Variants in THSD7B observed in about 807,000 individuals in gnomAD.
The protein encoded by THSD7B is thrombospondin type-1 domain-containing protein 7B.
A neutral mutation model predicts 213.6 loss-of-function variants in THSD7B; 138 were observed. The ratio of observed to expected loss-of-function variants is 0.65; its 90% confidence interval spans 0.56 to 0.74. The LOEUF is 0.74. Among genes scored for constraint, THSD7B ranks in the 30% least tolerant of loss-of-function variants. THSD7B has a pLI of 0.00. For missense variants in THSD7B, 1,931 were observed against 1,991.5 expected (o/e 0.97, Z 0.58); for synonymous variants, 742 against 687.0 (o/e 1.08, Z -1.25).
intron 15 of THSD7B, among the ~76,000 whole-genome samples, chr2:137,558,554 G>T (rs907093976): frequency 6.6e-6 from 1 of 152,114 alleles, no homozygotes; most frequent in Non-Finnish European, 1.5e-5. Context: ...GATATTGATG[G>T]AAAGTATCTC....
At chr2:137,050,898 C>A (rs1261689180) in intron 2 of THSD7B, among the ~76,000 whole-genome samples, 1 of 152,098 alleles carries the variant, frequency 6.6e-6, no homozygotes. Flanking sequence ...TTATCCAATG[C>A]GTAACTCAGT....
chr2:137,070,868 T>TATGTCCCTACAAAGGAC (rs59624342), intron 3 of THSD7B, among the ~76,000 whole-genome samples: 12,615 of 152,032 alleles, frequency 0.083, 751 homozygotes, highest in African/African-American at 0.16. Context: ...CAGTTTCATC[T>TATGTCCCTACAAAGGAC]ATGTCCCTAC....
chr2:137,557,639 A>G lies in THSD7B; in HGVS notation c.3139-5582A>G, dbSNP rs558891596. Among the ~76,000 whole-genome samples, 3 of 152,334 alleles carry G rather than the reference A, an allele frequency of 2.0e-5. No homozygotes were observed. In the South Asian group the frequency reaches 6.2e-4, roughly 32 times the overall value. The stretch of plus-strand genomic sequence containing the variant: ...AAAGATCTAAAATTGACACCCTAAC[A>G]TCACAATTAAAAGAACTAGAAAAGC... On this transcript the variant is annotated intron_variant, in intron 15 of 27. Coordinates refer to ENST00000409968, the MANE Select transcript of THSD7B (RefSeq NM_001316349.2).
At chr2:137,088,251 A>T (rs1286658342) in intron 3 of THSD7B, among the ~76,000 whole-genome samples, 1 of 152,012 alleles carries the variant, frequency 6.6e-6, no homozygotes, top group Non-Finnish European at 1.5e-5. Flanking sequence ...AAAAAATAAA[A>T]AAAAAATAAA....
Position 137,676,639 on chromosome 2 carries a change from G to A in THSD7B, c.*34G>A. On this transcript the variant is annotated 3_prime_UTR_variant, in exon 28 of 28. Coordinates refer to ENST00000409968, the MANE Select transcript of THSD7B (RefSeq NM_001316349.2). The stretch of plus-strand genomic sequence containing the variant: ...AGAAATCCAAATGTAGACATCAACT[G>A]CCTTAACCGCTTTCTCTTTTGTAGC... 6.6e-7 allele frequency: 1 copy of A among 1,510,500 alleles called. No homozygotes were observed. The allele number at this position is 1,510,500 out of a possible 1,614,324, so 93.6% of individuals were successfully genotyped here.
chr2:137,510,303 A>G (rs1283299608), intron 15 of THSD7B, among the ~76,000 whole-genome samples: 2 of 152,114 alleles, frequency 1.3e-5, no homozygotes, highest in African/African-American at 4.8e-5. Flanking sequence ...TATAACATGC[A>G]TCTTGAATTG....
intron 1 of THSD7B, among the ~76,000 whole-genome samples, chr2:136,774,249 C>A (rs943088436): frequency 9.2e-5 from 14 of 152,058 alleles, no homozygotes; most frequent in African/African-American, 3.4e-4. Context: ...ACATTTAATG[C>A]ATATTTCTCA....
chr2:137,452,346 G>T (rs1000313619), intron 15 of THSD7B, among the ~76,000 whole-genome samples: 6 of 152,006 alleles, frequency 3.9e-5, no homozygotes, highest in African/African-American at 1.4e-4. Flanking sequence ...AATAAAATAT[G>T]ATTAATGAAA....
At chr2:137,287,907 C>T (rs1362066374) in intron 12 of THSD7B, among the ~76,000 whole-genome samples, 1 of 152,062 alleles carries the variant, frequency 6.6e-6, no homozygotes, top group African/African-American at 2.4e-5. Flanking sequence ...ATATGAATTT[C>T]AAAGTCTACT....
intron 2 of THSD7B, among the ~76,000 whole-genome samples, chr2:136,996,078 A>G (rs1685882263): frequency 6.6e-6 from 1 of 152,102 alleles, no homozygotes; most frequent in African/African-American, 2.4e-5. Flanking sequence ...TAAAGATGTA[A>G]TAGTGTTATT....
At chr2:137,222,965 G>A (rs1408578067) in intron 7 of THSD7B, among the ~76,000 whole-genome samples, 1 of 152,150 alleles carries the variant, frequency 6.6e-6, no homozygotes, top group Non-Finnish European at 1.5e-5. Context: ...CTGGGCTGAA[G>A]AAATGACAAC....
At chr2:137,279,648 T>C (rs924692550) in intron 12 of THSD7B, among the ~76,000 whole-genome samples, 1 of 152,126 alleles carries the variant, frequency 6.6e-6, no homozygotes, top group Non-Finnish European at 1.5e-5. Flanking sequence ...GAAGGAAATT[T>C]AGATTGGGGA....
intron 15 of THSD7B, among the ~76,000 whole-genome samples, chr2:137,483,624 TGG>T (rs1377364704): frequency 6.6e-6 from 1 of 152,160 alleles, no homozygotes; most frequent in African/African-American, 2.4e-5. Context: ...TTAAAAGCAC[TGG>T]GGTGGGGACA....
At chr2:137,173,719 T>C (rs1327200815) in intron 7 of THSD7B, among the ~76,000 whole-genome samples, 1 of 152,184 alleles carries the variant, frequency 6.6e-6, no homozygotes, top group Admixed American at 6.6e-5. Flanking sequence ...AAGCTGTCTT[T>C]TGTTCTGTGT....
intron 15 of THSD7B, among the ~76,000 whole-genome samples, chr2:137,503,935 G>A (rs1187229217): frequency 6.6e-6 from 1 of 151,394 alleles, no homozygotes; most frequent in African/African-American, 2.4e-5. Context: ...GCTGAGGCAG[G>A]AGAATCGCTT....
At chr2:137,276,047 T>A (rs1015364718) in intron 12 of THSD7B, 21 bp downstream of exon 12, 4 of 1,517,330 alleles carry the variant, frequency 2.6e-6, no homozygotes, top group Non-Finnish European at 3.6e-6. Context: ...TTTTACATAG[T>A]TTTTTTTTAT....
chr2:136,951,822 A>G (rs1685043066), intron 2 of THSD7B, among the ~76,000 whole-genome samples: 1 of 152,138 alleles, frequency 6.6e-6, no homozygotes, highest in South Asian at 2.1e-4. Context: ...TGCCATCTAC[A>G]ATGCAGATAA....
intron 1 of THSD7B, among the ~76,000 whole-genome samples, chr2:136,809,175 A>G (rs1468727613): frequency 6.6e-6 from 1 of 152,200 alleles, no homozygotes; most frequent in Admixed American, 6.5e-5. Context: ...AAATCAAGGC[A>G]GGGTCTAGGA....
intron 6 of THSD7B, 75 bp from the exon 7 acceptor site, chr2:137,170,666 T>A (rs1450122815): frequency 1.3e-5 from 19 of 1,465,432 alleles, no homozygotes; most frequent in Non-Finnish European, 1.7e-5. Flanking sequence ...ACTTTTCATC[T>A]CTCACCCAGC....
Sources: gnomAD v4.1 joint callset for allele counts (sites outside exome capture counted in the v4.1 genomes callset) on GRCh38, gnomAD v4.1.1 for gene constraint, MANE v1.5 for transcripts, NCBI Gene and HGNC (gene_info 2026-07-23, HGNC 2026-07-21) for gene names.